GALNTL6: variants seen among roughly 807,000 people sequenced by gnomAD.
GALNTL6 encodes the protein polypeptide N-acetylgalactosaminyltransferase like 6, also known as polypeptide N-acetylgalactosaminyltransferase-like 6.
Under a neutral mutation model 73.7 loss-of-function variants are expected in GALNTL6, and 46 were observed. That is an observed-to-expected ratio of 0.62 (90% CI 0.49 to 0.80). The LOEUF (loss-of-function observed/expected upper bound fraction) is 0.80, where lower values mean the gene tolerates loss of function less well. Ranked by LOEUF, GALNTL6 falls within the 30% of genes least tolerant of loss-of-function variation. The pLI, the probability that GALNTL6 is intolerant of heterozygous loss-of-function variation, is 0.00. For synonymous variants in GALNTL6, 259 were observed against 263.7 expected (o/e 0.98, Z 0.17); for missense variants, 604 against 755.0 (o/e 0.80, Z 2.34).
intron 7 of GALNTL6, among the ~76,000 whole-genome samples, chr4:172,875,946 C>A: frequency 6.6e-6 from 1 of 152,148 alleles, no homozygotes; most frequent in South Asian, 2.1e-4. Flanking sequence ...AATTTCATCT[C>A]ATGTAAAGAT....
intron 2 of GALNTL6, among the ~76,000 whole-genome samples, chr4:172,065,817 G>A (rs147131240): frequency 7.2e-5 from 11 of 152,298 alleles, no homozygotes; most frequent in African/African-American, 2.4e-4. Context: ...TCACAGGGGC[G>A]CAGAAGAGAG....
rs538176930 is a variant in GALNTL6 at position 172,386,007 on chromosome 4, A to G, written c.553+37318A>G. 3.3e-5 allele frequency among the ~76,000 whole-genome samples: 5 copies of G among 152,272 alleles called. No individual in the cohort carries two copies. The South Asian group carries it at 8.3e-4, about 25-fold the overall frequency. On this transcript the variant is annotated intron_variant, in intron 5 of 12. Coordinates refer to ENST00000506823, the MANE Select transcript of GALNTL6 (RefSeq NM_001034845.3). ...GTTAATGTCAACTAAAGTCAATATT[A>G]TACAAAAATTTGCTATAAAAGAGCT...
intron 2 of GALNTL6, among the ~76,000 whole-genome samples, chr4:172,119,894 A>G (rs781105013): frequency 2.6e-5 from 4 of 152,174 alleles, no homozygotes; most frequent in Non-Finnish European, 5.9e-5. Context: ...GATTTTCTGT[A>G]TGATTTAAGC....
chr4:171,991,755 T>TATAC lies in GALNTL6; in HGVS notation c.138+177038_138+177039insTACA, dbSNP rs371828556. On this transcript the variant is annotated intron_variant, in intron 2 of 12. Coordinates refer to ENST00000506823, the MANE Select transcript of GALNTL6 (RefSeq NM_001034845.3). Reference sequence around the variant, plus strand: ...GTATATATATATATATATATATATATACACATATATATACATATATATATG... The same window carrying TATAC: ...GTATATATATATATATATATATATATATACACACATATATATACATATATATATG... 9.6e-3 allele frequency among the ~76,000 whole-genome samples: 1,350 copies of TATAC among 140,522 alleles called. 10 individuals are homozygous for TATAC. Among genetic ancestry groups the TATAC allele is most frequent in the Admixed American group, 0.015 (201 of 13,696 alleles). The allele number at this position is 140,522 out of a possible 152,430, so 92.2% of individuals were successfully genotyped here.
chr4:172,147,548 T>C (rs921060957), intron 2 of GALNTL6, among the ~76,000 whole-genome samples: 1 of 152,200 alleles, frequency 6.6e-6, no homozygotes, highest in African/African-American at 2.4e-5. Context: ...GGAATTTTTG[T>C]TTTCATCTTT....
At chr4:171,968,164 G>A (rs953566605) in intron 2 of GALNTL6, among the ~76,000 whole-genome samples, 6 of 151,356 alleles carry the variant, frequency 4.0e-5, no homozygotes, top group African/African-American at 9.7e-5. Flanking sequence ...TTTTAATGCC[G>A]GAATGCCCCT....
At chr4:172,048,488 G>C (rs1048595222) in intron 2 of GALNTL6, among the ~76,000 whole-genome samples, 1 of 152,006 alleles carries the variant, frequency 6.6e-6, no homozygotes, top group African/African-American at 2.4e-5. Context: ...ACCACAGAAG[G>C]CTGTAATCAT....
intron 8 of GALNTL6, among the ~76,000 whole-genome samples, chr4:172,900,490 A>G (rs1746570489): frequency 6.6e-6 from 1 of 152,186 alleles, no homozygotes; most frequent in African/African-American, 2.4e-5. Flanking sequence ...GTCTATTAAT[A>G]CAGCAACAAA....
chr4:172,748,880 TTTGTTG>T (rs142265791), intron 5 of GALNTL6, among the ~76,000 whole-genome samples: 1,794 of 150,084 alleles, frequency 0.012, 27 homozygotes, highest in South Asian at 0.032. Context: ...CATATTTTCT[TTTGTTG>T]TTGTTGTTGT....
chr4:171,898,396 A>C (rs1278342919), intron 2 of GALNTL6, among the ~76,000 whole-genome samples: 1 of 152,172 alleles, frequency 6.6e-6, no homozygotes, highest in Non-Finnish European at 1.5e-5. Flanking sequence ...CTATAAAAAG[A>C]TGTATGTGAA....
At chr4:172,437,283 G>A (rs1731669301) in intron 5 of GALNTL6, among the ~76,000 whole-genome samples, 1 of 152,084 alleles carries the variant, frequency 6.6e-6, no homozygotes. Flanking sequence ...TGAACAGAAA[G>A]TTCAAGGTGA....
intron 2 of GALNTL6, among the ~76,000 whole-genome samples, chr4:172,071,658 A>C: frequency 9.1e-6 from 1 of 110,344 alleles, no homozygotes; most frequent in East Asian, 2.1e-4. Flanking sequence ...GTTGTATATA[A>C]ATAAATTCAA....
At chr4:171,841,440 A>G (rs1735237058) in intron 2 of GALNTL6, among the ~76,000 whole-genome samples, 1 of 152,136 alleles carries the variant, frequency 6.6e-6, no homozygotes, top group Non-Finnish European at 1.5e-5. Context: ...TTTTACAAAA[A>G]CAAATATAGC....
chr4:171,995,642 C>T lies in GALNTL6; in HGVS notation c.138+180924C>T, dbSNP rs1434427517. Among the ~76,000 whole-genome samples the T allele has an allele frequency of 3.3e-5, 5 of 151,944 alleles. No individual in the cohort carries two copies. In the East Asian group the frequency reaches 9.6e-4, roughly 29 times the overall value. The stretch of plus-strand genomic sequence containing the variant: ...AAGAACAAATAAACACAAGAATATA[C>T]AAACATTAGAGCAGTTTCCTTTGGC... On this transcript the variant is annotated intron_variant, in intron 2 of 12. Coordinates refer to ENST00000506823, the MANE Select transcript of GALNTL6 (RefSeq NM_001034845.3).
rs996662911 is a variant in GALNTL6, at chr4:172,311,806, T to C, written c.386+54T>C. The C allele has an allele frequency of 1.1e-5, 14 of 1,296,846 alleles. No homozygotes were observed. In the South Asian group the frequency reaches 2.4e-4, roughly 23 times the overall value. The allele number at this position is 1,296,846 out of a possible 1,614,324, so 80.3% of individuals were successfully genotyped here. A position where few individuals can be genotyped will look rare whatever the true frequency, so the allele number is the denominator to read the frequency against. On this transcript the variant is annotated intron_variant, in intron 4 of 12. Transcript: ENST00000506823. ...TGGGTTTTTTTGGTTTTTTTTGTCC[T>C]TTGATTTTTTTTTAAATGTGTATCA...
chr4:172,995,769 C>T (rs1751749895), intron 10 of GALNTL6, among the ~76,000 whole-genome samples: 1 of 152,182 alleles, frequency 6.6e-6, no homozygotes, highest in East Asian at 1.9e-4. Flanking sequence ...GTTTTAAATG[C>T]CTGCTTTCAT....
chr4:172,746,799 G>A (rs7653931), intron 5 of GALNTL6, among the ~76,000 whole-genome samples: 135 of 152,040 alleles, frequency 8.9e-4, no homozygotes, highest in Admixed American at 5.4e-3. Context: ...AGACAAGAAC[G>A]CCCATTTTCA....
At position 172,853,600 on chromosome 4, in the gene GALNTL6, C is replaced by A. The variant is rs1743955510; in HGVS notation, c.924-29190C>A. ...CAGGATAGCACCTCATATTTGGAGG[C>A]CTTAACTCTTCCCCAACAACCCATT... On this transcript the variant is annotated intron_variant, in intron 7 of 12. Transcript: ENST00000506823. Among the ~76,000 whole-genome samples the A allele has an allele frequency of 2.6e-5, 4 of 152,216 alleles. No individual in the cohort carries two copies. The South Asian group carries it at 8.3e-4, about 32-fold the overall frequency.
intron 7 of GALNTL6, among the ~76,000 whole-genome samples, chr4:172,880,871 T>G (rs1745418174): frequency 6.6e-6 from 1 of 152,116 alleles, no homozygotes; most frequent in Admixed American, 6.6e-5. Flanking sequence ...ACTGCATGGG[T>G]TTTGTATAAA....
Sources: allele counts gnomAD v4.1 joint callset (sites outside exome capture counted in the v4.1 genomes callset), GRCh38; gene constraint gnomAD v4.1.1; transcripts MANE v1.5; gene names NCBI Gene and HGNC (gene_info 2026-07-23, HGNC 2026-07-21).